Variants in USP37 observed in about 807,000 individuals in gnomAD.
USP37 encodes the protein ubiquitin carboxyl-terminal hydrolase 37.
Under a neutral mutation model 124.0 loss-of-function variants are expected in USP37, and 27 were observed. The ratio of observed to expected loss-of-function variants is 0.22; its 90% CI spans 0.16 to 0.30. USP37 has a LOEUF of 0.30. Ranked by LOEUF, USP37 falls within the 10% of genes least tolerant of loss-of-function variation. The pLI, the probability that USP37 is intolerant of heterozygous loss-of-function variation, is 1.00. For synonymous variants in USP37, 365 were observed against 388.0 expected, an observed-to-expected ratio of 0.94 and a Z score of 0.70; for missense variants, 889 against 1,140.4, an observed-to-expected ratio of 0.78 and a Z score of 3.17.
intron 4 of USP37, among the ~76,000 whole-genome samples, chr2:218,556,075 A>C (rs1692952717): frequency 6.6e-6 from 1 of 152,136 alleles, no homozygotes; most frequent in South Asian, 2.1e-4. Context: ...CCTAGCCCCA[A>C]AGAAATGTGA....
chr2:218,527,109 C>T (rs1045421835), intron 10 of USP37, among the ~76,000 whole-genome samples: 10 of 152,092 alleles, frequency 6.6e-5, no homozygotes, highest in African/African-American at 2.2e-4. Context: ...TCTCGGTTTC[C>T]TTGCTATATT....
intron 17 of USP37, among the ~76,000 whole-genome samples, chr2:218,481,172 C>A (rs1277633648): frequency 2.6e-5 from 4 of 152,140 alleles, no homozygotes; most frequent in Admixed American, 6.6e-5. Flanking sequence ...TCAAAGAAGT[C>A]CGAAGGTTTT....
At chr2:218,544,960 G>C (rs560280868) in intron 8 of USP37, among the ~76,000 whole-genome samples, 3 of 152,220 alleles carry the variant, frequency 2.0e-5, no homozygotes, top group Non-Finnish European at 4.4e-5. Flanking sequence ...GGTACATTTA[G>C]ACCTTCTAGA....
At chr2:218,553,822 A>C in intron 4 of USP37, 98 bp from the exon 5 acceptor site, 1 of 1,182,524 alleles carries the variant, frequency 8.5e-7, no homozygotes. Flanking sequence ...TCCATGTTAC[A>C]TTTATCACTC....
At chr2:218,462,680 T>C (rs1005190831) in intron 22 of USP37, among the ~76,000 whole-genome samples, 18 of 152,084 alleles carry the variant, frequency 1.2e-4, no homozygotes, top group Non-Finnish European at 2.5e-4. Flanking sequence ...AAACAGATGA[T>C]AGATTGTTCT....
At chr2:218,541,934 GTTC>G (rs371754909) in intron 8 of USP37, among the ~76,000 whole-genome samples, 216 of 152,270 alleles carry the variant, frequency 1.4e-3, no homozygotes, top group Non-Finnish European at 2.5e-3. Context: ...AGCATCTGCA[GTTC>G]TTCAGAGGAC....
intron 4 of USP37, among the ~76,000 whole-genome samples, chr2:218,557,240 T>A (rs1693041330): frequency 6.6e-6 from 1 of 152,122 alleles, no homozygotes; most frequent in African/African-American, 2.4e-5. Flanking sequence ...TGTAAACTGA[T>A]CTGGAACTGA....
In USP37 at chr2:218,553,705, T is replaced by A; in HGVS notation, c.176A>T (p.Asn59Ile). Residue 59 changes from asparagine (N) to isoleucine (I), a missense_variant, in exon 5 of 26, where the codon AAT (asparagine) becomes ATT (isoleucine). Physicochemically the swap from Asn to Ile is moderately radical, Grantham distance 149. Coordinates refer to ENST00000258399, the MANE Select transcript of USP37 (RefSeq NM_020935.3). ...RIFQLSHNIK[N>I]VVLRPSGAKQ... ...CGCTCCACTGGGTCGAAGCACCACA[T>A]TTTTAATGTTATGACTTAGCTAATC... 1 of 1,611,202 alleles carries A rather than the reference T, an allele frequency of 6.2e-7. No homozygotes were observed. Among genetic ancestry groups the A allele is most frequent in the East Asian group, 2.2e-5 (1 of 44,834 alleles).
rs772507968 is a variant in USP37, at chr2:218,482,274, A to G, written c.1671-40T>C. 3 of 1,570,296 alleles carry G rather than the reference A, an allele frequency of 1.9e-6. No individual in the cohort carries two copies. The East Asian group carries it at 6.8e-5, about 35-fold the overall frequency. ...ATGACAACCTTACTAATTCATACAT[A>G]ATACATGTATCTTTCTTACAGTAAA... On this transcript the variant is annotated intron_variant, in intron 16 of 25. Coordinates refer to ENST00000258399, the MANE Select transcript of USP37 (RefSeq NM_020935.3).
intron 20 of USP37, among the ~76,000 whole-genome samples, chr2:218,472,714 C>T (rs1344019407): frequency 6.6e-6 from 1 of 152,126 alleles, no homozygotes; most frequent in African/African-American, 2.4e-5. Flanking sequence ...GATTCACCCA[C>T]CTCAGCCTCC....
chr2:218,509,993 C>G lies in USP37; in HGVS notation c.1011G>C (p.Gln337His), dbSNP rs760630908. 21 of 1,570,710 alleles carry G rather than the reference C, an allele frequency of 1.3e-5. No individual in the cohort carries two copies. Among genetic ancestry groups the G allele is most frequent in the Non-Finnish European group, 1.7e-5 (20 of 1,152,674 alleles). The change falls in exon 11 of 26, where the codon CAG becomes CAC. Residue 337 changes from glutamine to histidine, a missense_variant. Physicochemically the swap from Gln to His is conservative, Grantham distance 24 (BLOSUM62 0). This residue lies in a region of USP37 where 11 missense variants were observed against 40.1 expected (regional missense o/e 0.27). Transcript: ENST00000258399. The part of the protein sequence containing the change: ...KPRVPLSSHQ[Q>H]QQLQGFSNLG... ...AATTGACCTACCCCTGCAGTTGCTGCTGTTGGTGAGAGGAAAGGGGCACTC... is the reference window on the plus strand; with the variant it reads ...AATTGACCTACCCCTGCAGTTGCTGGTGTTGGTGAGAGGAAAGGGGCACTC...
chr2:218,458,137 C>T (rs1292280930), intron 23 of USP37, among the ~76,000 whole-genome samples: 12 of 147,672 alleles, frequency 8.1e-5, no homozygotes, highest in African/African-American at 2.2e-4. Flanking sequence ...TCATAAACTT[C>T]GATTTAGTAA....
chr2:218,523,129 A>G (rs889615827), intron 10 of USP37, among the ~76,000 whole-genome samples: 1 of 152,106 alleles, frequency 6.6e-6, no homozygotes, highest in Non-Finnish European at 1.5e-5. Context: ...TACAAAAATT[A>G]GCAGGCGCCT....
In USP37 at chr2:218,521,609, T is replaced by A. The variant is rs531855329; in HGVS notation, c.863+8347A>T. On this transcript the variant is annotated intron_variant, in intron 10 of 25. Coordinates refer to ENST00000258399, the MANE Select transcript of USP37 (RefSeq NM_020935.3). Reference sequence around the variant, plus strand: ...TGCAGTGTTTGGTTTTCTGTTCCTGTATCAGTTTGCTGAGAATGATGGCTT... The same window carrying A: ...TGCAGTGTTTGGTTTTCTGTTCCTGAATCAGTTTGCTGAGAATGATGGCTT... 2.4e-3 allele frequency among the ~76,000 whole-genome samples: 359 copies of A among 152,318 alleles called. 2 individuals are homozygous for A. Among genetic ancestry groups the A allele is most frequent in the African/African-American group, 8.4e-3 (349 of 41,578 alleles).
intron 17 of USP37, among the ~76,000 whole-genome samples, chr2:218,480,398 CAAAA>C (rs397868988): frequency 2.4e-3 from 115 of 48,850 alleles, no homozygotes; most frequent in African/African-American, 5.2e-3. Flanking sequence ...GACTCCGTCT[CAAAA>C]AAAAAAAAAA....
At chr2:218,523,154 T>C (rs1690761028) in intron 10 of USP37, among the ~76,000 whole-genome samples, 1 of 152,120 alleles carries the variant, frequency 6.6e-6, no homozygotes, top group South Asian at 2.1e-4. Context: ...TCCCAGCTAC[T>C]TGGGAGGCTG....
chr2:218,504,969 C>T (rs898967194), intron 11 of USP37, among the ~76,000 whole-genome samples: 1 of 152,258 alleles, frequency 6.6e-6, no homozygotes, highest in Middle Eastern at 3.4e-3. Context: ...TCTTCCTTCT[C>T]TCTCTTCACC....
intron 20 of USP37, among the ~76,000 whole-genome samples, chr2:218,467,290 G>A (rs983574151): frequency 6.0e-5 from 9 of 149,992 alleles, no homozygotes; most frequent in Non-Finnish European, 1.2e-4. Flanking sequence ...GACTACAGGC[G>A]CCCGCCACCA....
chr2:218,485,175 T>C (rs977407430), intron 16 of USP37, among the ~76,000 whole-genome samples: 3 of 152,304 alleles, frequency 2.0e-5, no homozygotes, highest in Non-Finnish European at 4.4e-5. Flanking sequence ...ATATTACACA[T>C]TACTGAATTA....
Sources: allele counts gnomAD v4.1 joint callset (sites outside exome capture counted in the v4.1 genomes callset), GRCh38; gene constraint gnomAD v4.1.1; regional missense constraint gnomAD v4.1.1; transcripts MANE v1.5; gene names NCBI Gene and HGNC (gene_info 2026-07-23, HGNC 2026-07-21).